The following TAGAP variants were observed in gnomAD, a reference collection of about 807,000 sequenced individuals.
TAGAP encodes T-cell activation Rho GTPase-activating protein.
A neutral mutation model predicts 36.0 loss-of-function variants in TAGAP; 16 were observed. The ratio of observed to expected loss-of-function variants is 0.44; its 90% confidence interval spans 0.30 to 0.68. TAGAP has a LOEUF of 0.68. Among genes scored for constraint, TAGAP ranks in the 30% least tolerant of loss-of-function variants. The pLI, the probability that TAGAP is intolerant of heterozygous loss-of-function variation, is 0.09. For missense variants in TAGAP, 794 were observed against 921.5 expected, an observed-to-expected ratio of 0.86 and a Z score of 1.79; for synonymous variants, 372 against 377.4, an observed-to-expected ratio of 0.99 and a Z score of 0.17.
chr6:159,038,265 CTTTTTTTT>C (rs559846736), intron 8 of TAGAP, 37 bp from the exon 9 acceptor site: 2,223 of 459,068 alleles, frequency 4.8e-3, no homozygotes, highest in Non-Finnish European at 5.2e-3. Flanking sequence ...AGCTTGAAGA[CTTTTTTTT>C]TTTTTTTTTT....
chr6:159,042,365 A>G (rs1779787370), intron 4 of TAGAP, 121 bp from the exon 5 acceptor site: 1 of 1,465,672 alleles, frequency 6.8e-7, no homozygotes, highest in African/African-American at 1.4e-5. Flanking sequence ...CGATGTGAGA[A>G]AAATAATTTT....
Position 159,036,218 on chromosome 6 carries a change from C to T in TAGAP, c.1805G>A (p.Gly602Asp), listed in dbSNP as rs1323103802. 2 of 1,610,622 alleles carry T rather than the reference C, an allele frequency of 1.2e-6. No individual in the cohort carries two copies. Among genetic ancestry groups the T allele is most frequent in the Non-Finnish European group, 8.5e-7 (1 of 1,178,842 alleles). ...GGAGGCCACTAGTCTGGCTGCCGGG[C>T]CCTGCATGGCCTCTTCATAAGAGGG... ...SPPSYEEAMQ[G>D]PAARLVASES... The change falls in exon 10 of 10, where the codon GGC becomes GAC. Residue 602 changes from glycine to aspartate, a missense_variant. By Grantham distance (94) the Gly-to-Asp change is moderately conservative (BLOSUM62 -1). Coordinates refer to ENST00000367066, the MANE Select transcript of TAGAP (RefSeq NM_054114.5). The surrounding 1 kb of genome is among the most constrained non-coding windows in gnomAD (Gnocchi z 4.9).
rs1779493241 is a variant in TAGAP, at chr6:159,035,383, A to T, written c.*444T>A. ...TAATATATAGTTTACTCTGGTATGGAGTAAACTTATACCAGAGATTTAAAC... is the reference window on the plus strand; with the variant it reads ...TAATATATAGTTTACTCTGGTATGGTGTAAACTTATACCAGAGATTTAAAC... On this transcript the variant is annotated 3_prime_UTR_variant, in exon 10 of 10. Coordinates refer to ENST00000367066, the MANE Select transcript of TAGAP (RefSeq NM_054114.5). The T allele has an allele frequency of 6.3e-6, 1 of 159,478 alleles. No homozygotes were observed. Among genetic ancestry groups the T allele is most frequent in the South Asian group, 1.7e-4 (1 of 5,820 alleles). The allele number at this position is 159,478 out of a possible 1,614,324, so 9.9% of individuals were successfully genotyped here. A position where few individuals can be genotyped will look rare whatever the true frequency, so the allele number is the denominator to read the frequency against.
At position 159,037,824 on chromosome 6, in the gene TAGAP, A is replaced by G. The variant is rs1779599110; in HGVS notation, c.898+290T>C. On this transcript the variant is annotated intron_variant, in intron 9 of 9. Transcript: ENST00000367066. The surrounding 1 kb of genome is among the most constrained non-coding windows in gnomAD (Gnocchi z 5.1). ...AGTCATATCCCATGAAGTGGAAACA[A>G]AAGTTTCTCACTCCAACTCCAGAGC... is the stretch of plus-strand genomic sequence containing the variant. Among the ~76,000 whole-genome samples the G allele has an allele frequency of 6.6e-6, 1 of 152,194 alleles. No homozygotes were observed. The highest frequency in any genetic ancestry group is 2.4e-5 in the African/African-American group (1 of 41,444).
chr6:159,044,414 G>T (rs562828062), intron 1 of TAGAP, among the ~76,000 whole-genome samples: 1 of 152,252 alleles, frequency 6.6e-6, no homozygotes, highest in South Asian at 2.1e-4. Flanking sequence ...GTTGTTAAGA[G>T]CAGCATCTGA....
intron 4 of TAGAP, among the ~76,000 whole-genome samples, chr6:159,043,260 A>G (rs1260594416): frequency 6.6e-6 from 1 of 152,214 alleles, no homozygotes; most frequent in Non-Finnish European, 1.5e-5. Context: ...CATTCTCCAT[A>G]AGAGAAGGAA....
At chr6:159,038,270 T>C (rs1251447405) in intron 8 of TAGAP, 42 bp from the exon 9 acceptor site, 1 of 805,936 alleles carries the variant, frequency 1.2e-6, no homozygotes. Flanking sequence ...GAAGACTTTT[T>C]TTTTTTTTTT....
Position 159,037,049 on chromosome 6 carries a change from A to G in TAGAP, c.974T>C (p.Ile325Thr), listed in dbSNP as rs779949611. 1 of 1,613,292 alleles carries G rather than the reference A, an allele frequency of 6.2e-7. No individual in the cohort carries two copies. Among genetic ancestry groups the G allele is most frequent in the South Asian group, 1.1e-5 (1 of 91,088 alleles). Reference protein sequence around the residue: ...PDVESNSSSGISSPSRQPQVP... With the variant: ...PDVESNSSSGTSSPSRQPQVP... ...CTGGGGCTGCCTGCTGGGAGAGCTG[A>G]TGCCACTGCTGCTGTTGGATTCCAC... is the stretch of plus-strand genomic sequence containing the variant. The change falls in exon 10 of 10, where the codon ATC (isoleucine) becomes ACC (threonine). Residue 325 changes from isoleucine (I) to threonine (T), a missense_variant. Physicochemically the swap from Ile to Thr is moderately conservative, Grantham distance 89. Transcript: ENST00000367066. This position sits in a 1 kb window ranked among gnomAD's most constrained non-coding sequence, Gnocchi z 5.1.
chr6:159,038,369 C>G, intron 8 of TAGAP, 141 bp from the exon 9 acceptor site: 7 of 542,520 alleles, frequency 1.3e-5, no homozygotes, highest in Non-Finnish European at 2.3e-5. Context: ...AAAGAGCATA[C>G]AGAAATTTGG....
Position 159,036,277 on chromosome 6 carries a change from GAACACATCAT to G in TAGAP, c.1736_1745del (p.Asp579AlafsTer26), listed in dbSNP as rs780714544. 24 of 1,612,176 alleles carry G rather than the reference GAACACATCAT, an allele frequency of 1.5e-5. No homozygotes were observed. The highest frequency in any genetic ancestry group is 2.0e-5 in the Non-Finnish European group (24 of 1,179,772). ...CAGGCCTCTCCCAGTCAGCTCCCTGGAACACATCATCCACCGAGAGGGCGTGGGGTCTCAG... is the reference window on the plus strand; with the variant it reads ...CAGGCCTCTCCCAGTCAGCTCCCTGGCCACCGAGAGGGCGTGGGGTCTCAG... On this transcript the variant is annotated frameshift_variant, in exon 10 of 10. Transcript: ENST00000367066. LOFTEE classifies it low-confidence loss of function (END_TRUNC). This position sits in a 1 kb window ranked among gnomAD's most constrained non-coding sequence, Gnocchi z 4.9.
rs373293958 is a variant in TAGAP, at chr6:159,043,992, C to T, written c.67G>A (p.Glu23Lys). Residue 23 changes from glutamate (E) to lysine (K), a missense_variant, in exon 3 of 10, where the codon GAA becomes AAA. Physicochemically the swap from Glu to Lys is moderately conservative, Grantham distance 56 (BLOSUM62 1). Coordinates refer to ENST00000367066, the MANE Select transcript of TAGAP (RefSeq NM_054114.5). The part of the protein sequence containing the change: ...LNANNMETLI[E>K]CQSEGDIKEH... Reference sequence around the variant, plus strand: ...TGCTTTCTTACCTCTGATTGACATTCGATTAGTGTCTCCATATTATTGGCG... The same window carrying T: ...TGCTTTCTTACCTCTGATTGACATTTGATTAGTGTCTCCATATTATTGGCG... 22 of 1,613,456 alleles carry T rather than the reference C, an allele frequency of 1.4e-5. No individual in the cohort carries two copies. The highest frequency in any genetic ancestry group is 1.1e-4 in the African/African-American group (8 of 74,870).
intron 4 of TAGAP, chr6:159,042,729 T>C (rs893728933): frequency 1.3e-5 from 2 of 155,072 alleles, no homozygotes; most frequent in African/African-American, 4.8e-5. Context: ...CAGGGCTGGC[T>C]CCAACCCTTT....
In TAGAP at chr6:159,035,590, C is replaced by T; in HGVS notation, c.*237G>A. The T allele has an allele frequency of 2.3e-6, 1 of 429,734 alleles. No homozygotes were observed. The highest frequency in any genetic ancestry group is 4.2e-6 in the Non-Finnish European group (1 of 238,866). 26.6% of individuals were successfully genotyped at this position (429,734 alleles called of 1,614,324 possible). A position where few individuals can be genotyped will look rare whatever the true frequency, so the allele number is the denominator to read the frequency against. ...TGCAGGGATTATTAGACATCCTTTG[C>T]ACCTAACACCTTATCTATAATACAT... On this transcript the variant is annotated 3_prime_UTR_variant, in exon 10 of 10. Coordinates refer to ENST00000367066, the MANE Select transcript of TAGAP (RefSeq NM_054114.5).
At position 159,036,070 on chromosome 6, in the gene TAGAP, G is replaced by A; in HGVS notation, c.1953C>T (p.Ser651=). The A allele has an allele frequency of 6.2e-7, 1 of 1,613,058 alleles. No individual in the cohort carries two copies. The highest frequency in any genetic ancestry group is 8.5e-7 in the Non-Finnish European group (1 of 1,179,164). Residue 651 remains serine, a synonymous_variant, in exon 10 of 10, where the codon AGC becomes AGT. Coordinates refer to ENST00000367066, the MANE Select transcript of TAGAP (RefSeq NM_054114.5). This position sits in a 1 kb window ranked among gnomAD's most constrained non-coding sequence, Gnocchi z 4.9. ...HHVEDSRHRG[S]KEPLPGHGLS... ...GTCCGTGGCCAGGGAGTGGCTCTTT[G>A]CTGCCCCTGTGTCTTGAGTCCTCTA...
Position 159,043,892 on chromosome 6 carries a change from T to G in TAGAP, c.81+86A>C, listed in dbSNP as rs1030782403. 4 of 1,245,304 alleles carry G rather than the reference T, an allele frequency of 3.2e-6. No individual in the cohort carries two copies. In the African/African-American group the frequency reaches 6.1e-5, roughly 19 times the overall value. 77.1% of individuals were successfully genotyped at this position (1,245,304 alleles called of 1,614,324 possible). ...GTTAGTTTACTACTCTTATAATTACTATTCAACCCAAATAATATTCAATTA... is the reference window on the plus strand; with the variant it reads ...GTTAGTTTACTACTCTTATAATTACGATTCAACCCAAATAATATTCAATTA... On this transcript the variant is annotated intron_variant, in intron 3 of 9. Coordinates refer to ENST00000367066, the MANE Select transcript of TAGAP (RefSeq NM_054114.5).
In TAGAP at chr6:159,043,652, C is replaced by T. The variant is rs758545398; in HGVS notation, c.85G>A (p.Asp29Asn). The T allele has an allele frequency of 6.2e-6, 10 of 1,613,834 alleles. No homozygotes were observed. In the South Asian group the frequency reaches 8.8e-5, roughly 14 times the overall value. ...GCCAACAGGGGATGTTCCTTGATAT[C>T]ACCCTAAAAACATTTTTATTTCAGT... ...ETLIECQSEG[D>N]IKEHPLLASC... The change falls in exon 4 of 10, where the codon GAT becomes AAT. Residue 29 changes from aspartate to asparagine, a missense_variant. Asp to Asn is a conservative substitution (Grantham distance 23, BLOSUM62 1). Coordinates refer to ENST00000367066, the MANE Select transcript of TAGAP (RefSeq NM_054114.5).
chr6:159,041,202 TAAATAAATAAATAAAGGGCTTAATG>T lies in TAGAP; in HGVS notation c.477+127_477+151del. On this transcript the variant is annotated intron_variant, in intron 6 of 9. Coordinates refer to ENST00000367066, the MANE Select transcript of TAGAP (RefSeq NM_054114.5). The surrounding 1 kb of genome is among the most constrained non-coding windows in gnomAD (Gnocchi z 4.1). Reference sequence around the variant, plus strand: ...AGGTCACAGAAACAGAGGTGCTTACTAAATAAATAAATAAAGGGCTTAATGAAAAAAATTAAACTCCAAGATCAGT... The same window carrying T: ...AGGTCACAGAAACAGAGGTGCTTACTAAAAAAATTAAACTCCAAGATCAGT... The T allele has an allele frequency of 1.1e-6, 1 of 909,576 alleles. No homozygotes were observed. 56.3% of individuals were successfully genotyped at this position (909,576 alleles called of 1,614,324 possible).
In TAGAP at chr6:159,036,607, C is replaced by A. The variant is rs544687859; in HGVS notation, c.1416G>T (p.Ser472=). The A allele has an allele frequency of 6.2e-7, 1 of 1,613,988 alleles. No homozygotes were observed. Among genetic ancestry groups the A allele is most frequent in the African/African-American group, 1.3e-5 (1 of 74,900 alleles). ...TGGGACTGGAAGGAGAAGCCACGGGCGAGCTGTCAGAGGACGCGTCCAGCG... is the reference window on the plus strand; with the variant it reads ...TGGGACTGGAAGGAGAAGCCACGGGAGAGCTGTCAGAGGACGCGTCCAGCG... ...SSSLDASSDS[S]PVASPSSPKR... Residue 472 remains serine (S), a synonymous_variant, in exon 10 of 10, where the codon TCG becomes TCT. Coordinates refer to ENST00000367066, the MANE Select transcript of TAGAP (RefSeq NM_054114.5). The surrounding 1 kb of genome is among the most constrained non-coding windows in gnomAD (Gnocchi z 4.9).
rs1466335560 is a variant in TAGAP at position 159,042,247 on chromosome 6, AC to A, written c.149-4del. 6.2e-7 allele frequency: 1 copy of A among 1,605,998 alleles called. No individual in the cohort carries two copies. Among genetic ancestry groups the A allele is most frequent in the African/African-American group, 1.3e-5 (1 of 74,274 alleles). On this transcript the variant is annotated splice_polypyrimidine_tract_variant and splice_region_variant and intron_variant, in intron 4 of 9. Coordinates refer to ENST00000367066, the MANE Select transcript of TAGAP (RefSeq NM_054114.5). ...CACCTTCTTTCTCTTCTTAACTTCT[AC>A]AGCCAAGAAAACAAGGCAACGAGAA...
Sources: gnomAD v4.1 joint callset for allele counts (sites outside exome capture counted in the v4.1 genomes callset) on GRCh38, gnomAD v4.1.1 for gene constraint, Gnocchi (gnomAD v3.1) non-coding constraint, MANE v1.5 for transcripts, NCBI Gene and HGNC (gene_info 2026-07-23, HGNC 2026-07-21) for gene names.